Variants in FRMPD2 observed in about 807,000 individuals in gnomAD.
FRMPD2 encodes the protein FERM and PDZ domain containing 2.
A neutral mutation model predicts 140.1 loss-of-function variants in FRMPD2; 96 were observed. That is an observed-to-expected ratio of 0.69 (90% confidence interval 0.58 to 0.81). The LOEUF (loss-of-function observed/expected upper bound fraction) is 0.81, where lower values mean the gene tolerates loss of function less well. Among genes scored for constraint, FRMPD2 ranks in the 40% least tolerant of loss-of-function variants. The pLI is 0.00. For synonymous variants in FRMPD2, 449 were observed against 547.6 expected (o/e 0.82, Z 2.52); for missense variants, 1,240 against 1,447.4 (o/e 0.86, Z 2.32).
chr10:48,203,070 A>T (rs1051775027), intron 14 of FRMPD2, among the ~76,000 whole-genome samples: 9 of 152,192 alleles, frequency 5.9e-5, no homozygotes, highest in African/African-American at 2.2e-4. Flanking sequence ...TGCTGGGATT[A>T]CAGGGGTGAG....
chr10:48,201,395 C>T lies in FRMPD2; in HGVS notation c.1798-11G>A. On this transcript the variant is annotated splice_polypyrimidine_tract_variant and intron_variant, in intron 14 of 28. Transcript: ENST00000374201. ...GGTGAACTTTTTTTGCTGAAGGAAG[C>T]AAACACAGACTTTAATACACTGATC... 1.2e-6 allele frequency: 2 copies of T among 1,612,446 alleles called. No individual in the cohort carries two copies. The highest frequency in any genetic ancestry group is 1.7e-6 in the Non-Finnish European group (2 of 1,179,048).
intron 14 of FRMPD2, among the ~76,000 whole-genome samples, chr10:48,204,737 T>C (rs961680684): frequency 9.2e-5 from 14 of 152,258 alleles, no homozygotes; most frequent in Non-Finnish European, 1.8e-4. Flanking sequence ...TGTAACTTTG[T>C]ATTCTTTTTC....
chr10:48,200,189 T>TAATA (rs1554794418), intron 15 of FRMPD2, among the ~76,000 whole-genome samples: 5 of 137,592 alleles, frequency 3.6e-5, no homozygotes, highest in Non-Finnish European at 8.0e-5. Context: ...AATAAATAAA[T>TAATA]AAATAAATAA....
rs777797690 is a variant in FRMPD2 at position 48,232,107 on chromosome 10, A to T, written c.1168+8T>A. 4.3e-6 allele frequency: 7 copies of T among 1,613,926 alleles called. No homozygotes were observed. In the Admixed American group the frequency reaches 6.7e-5, roughly 15 times the overall value. ...AGGCCAGCTGTGAGCTGCCCAAGAGATGCTTACTTTTCATATACGCCAAGC... is the reference window on the plus strand; with the variant it reads ...AGGCCAGCTGTGAGCTGCCCAAGAGTTGCTTACTTTTCATATACGCCAAGC... On this transcript the variant is annotated splice_region_variant and intron_variant, in intron 10 of 28. Coordinates refer to ENST00000374201, the MANE Select transcript of FRMPD2 (RefSeq NM_001018071.4).
intron 9 of FRMPD2, among the ~76,000 whole-genome samples, chr10:48,232,512 C>A (rs1394476267): frequency 6.6e-6 from 1 of 152,170 alleles, no homozygotes; most frequent in Non-Finnish European, 1.5e-5. Context: ...AGGAACTGGA[C>A]TCAAATCTGA....
chr10:48,170,357 C>T (rs1394739115), intron 26 of FRMPD2, among the ~76,000 whole-genome samples: 13 of 152,210 alleles, frequency 8.5e-5, no homozygotes, highest in Non-Finnish European at 1.5e-4. Flanking sequence ...TCCCCTCCAA[C>T]AGCTCTCCAT....
intron 17 of FRMPD2, 85 bp downstream of exon 17, chr10:48,187,107 A>G (rs960629746): frequency 3.6e-6 from 3 of 823,984 alleles, no homozygotes; most frequent in Non-Finnish European, 5.8e-6. Context: ...GTGGGAAGCA[A>G]AAATAAGTGG....
At chr10:48,240,287 G>A in intron 6 of FRMPD2, 73 bp downstream of exon 6, 1 of 1,509,922 alleles carries the variant, frequency 6.6e-7, no homozygotes, top group Non-Finnish European at 9.0e-7. Flanking sequence ...TGGATGTGTA[G>A]CCCATACAGG....
Position 48,222,462 on chromosome 10 carries a change from A to G in FRMPD2, c.1317-11T>C. ...CTTGTCAGGCTGTGCCTGGAAAAGA[A>G]GTAGCAATAAAAAGGGCTGGGTTGC... On this transcript the variant is annotated splice_polypyrimidine_tract_variant and intron_variant, in intron 11 of 28. Transcript: ENST00000374201. 1 of 1,613,612 alleles carries G rather than the reference A, an allele frequency of 6.2e-7. No homozygotes were observed. The highest frequency in any genetic ancestry group is 8.5e-7 in the Non-Finnish European group (1 of 1,179,744).
intron 1 of FRMPD2, among the ~76,000 whole-genome samples, chr10:48,254,382 G>T (rs1183686217): frequency 6.6e-6 from 1 of 152,216 alleles, no homozygotes; most frequent in Admixed American, 6.5e-5. Flanking sequence ...GACCTGAGAG[G>T]TCTGGCAGGC....
chr10:48,268,087 C>T (rs1486397399), intron 1 of FRMPD2, among the ~76,000 whole-genome samples: 1 of 152,188 alleles, frequency 6.6e-6, no homozygotes, highest in Admixed American at 6.5e-5. Flanking sequence ...CATGGAAAGA[C>T]ATTTCACTGA....
intron 12 of FRMPD2, among the ~76,000 whole-genome samples, chr10:48,220,533 G>C (rs973598199): frequency 2.0e-5 from 3 of 152,180 alleles, no homozygotes; most frequent in African/African-American, 7.2e-5. Flanking sequence ...CTTAGACAAA[G>C]ACTTCATGAC....
chr10:48,174,311 T>C (rs1276539905), intron 24 of FRMPD2, among the ~76,000 whole-genome samples: 2 of 145,862 alleles, frequency 1.4e-5, no homozygotes, highest in Non-Finnish European at 3.1e-5. Context: ...ATCGAGTCAC[T>C]GCGGGGCAGG....
At chr10:48,218,413 G>A (rs61840496) in intron 12 of FRMPD2, among the ~76,000 whole-genome samples, 5,230 of 152,280 alleles carry the variant, frequency 0.034, 113 homozygotes, top group Non-Finnish European at 0.042. Context: ...ACTGGTGGTG[G>A]ACATGTATTT....
intron 17 of FRMPD2, 74 bp from the exon 18 acceptor site, chr10:48,185,719 C>T: frequency 9.4e-7 from 1 of 1,060,712 alleles, no homozygotes; most frequent in Admixed American, 1.7e-5. Flanking sequence ...AAGGAGTAAA[C>T]AGCATTTCAC....
intron 16 of FRMPD2, among the ~76,000 whole-genome samples, chr10:48,191,726 G>A (rs146571647): frequency 2.0e-4 from 31 of 152,278 alleles, no homozygotes; most frequent in Admixed American, 6.5e-4. Context: ...TATGCTGCCT[G>A]GGAATCTGTG....
At position 48,222,178 on chromosome 10, in the gene FRMPD2, A is replaced by C. The variant is rs184419462; in HGVS notation, c.1455+135T>G. The C allele has an allele frequency of 3.9e-5, 31 of 797,854 alleles. No homozygotes were observed. The East Asian group carries it at 7.9e-4, about 20-fold the overall frequency. 49.4% of individuals were successfully genotyped at this position (797,854 alleles called of 1,614,324 possible). A position where few individuals can be genotyped will look rare whatever the true frequency, so the allele number is the denominator to read the frequency against. ...GATGGATGGATGGATGGATGGATAA[A>C]TGTAGTTTACTCCAATCTAGCTGGT... On this transcript the variant is annotated intron_variant, in intron 12 of 28. Transcript: ENST00000374201.
intron 1 of FRMPD2, among the ~76,000 whole-genome samples, chr10:48,264,665 A>G (rs1163100270): frequency 6.6e-6 from 1 of 152,146 alleles, no homozygotes; most frequent in Non-Finnish European, 1.5e-5. Context: ...TAAAATCTAA[A>G]TAAAGGAAGA....
chr10:48,262,873 T>C (rs1840617835), intron 1 of FRMPD2, among the ~76,000 whole-genome samples: 1 of 152,084 alleles, frequency 6.6e-6, no homozygotes, highest in South Asian at 2.1e-4. Flanking sequence ...CCTCCTGGGT[T>C]CAAGCAATTC....
Sources: allele counts gnomAD v4.1 joint callset (sites outside exome capture counted in the v4.1 genomes callset), GRCh38; gene constraint gnomAD v4.1.1; transcripts MANE v1.5; gene names NCBI Gene and HGNC (gene_info 2026-07-23, HGNC 2026-07-21).